Variants in TNIK observed in about 807,000 individuals in gnomAD.
TNIK encodes the protein TRAF2 and NCK-interacting protein kinase.
A neutral mutation model predicts 191.3 loss-of-function variants in TNIK; 49 were observed. That is an observed-to-expected ratio of 0.26 (90% CI 0.20 to 0.32). The LOEUF is 0.32. TNIK is among the 10% of genes least tolerant of loss of function. The pLI, the probability that TNIK is intolerant of heterozygous loss-of-function variation, is 1.00. For synonymous variants in TNIK, 594 were observed against 600.9 expected, an observed-to-expected ratio of 0.99 and a Z score of 0.17; for missense variants, 1,155 against 1,702.3, an observed-to-expected ratio of 0.68 and a Z score of 5.66.
chr3:171,318,389 A>C (rs1754856340), intron 2 of TNIK, among the ~76,000 whole-genome samples: 1 of 152,194 alleles, frequency 6.6e-6, no homozygotes, highest in Non-Finnish European at 1.5e-5. Flanking sequence ...TAAGGTTTTT[A>C]TTTACTAATG....
chr3:171,185,336 C>T (rs945766006), intron 7 of TNIK, among the ~76,000 whole-genome samples: 3 of 151,970 alleles, frequency 2.0e-5, no homozygotes, highest in Non-Finnish European at 4.4e-5. Context: ...CTATAAAATG[C>T]TTAGCAGATC....
chr3:171,107,303 G>T (rs1293715439), intron 20 of TNIK, 97 bp from the exon 21 acceptor site: 3 of 1,111,628 alleles, frequency 2.7e-6, no homozygotes, highest in Non-Finnish European at 3.9e-6. Context: ...TTGTTAGTAC[G>T]CAACTGATAA....
rs188879799 is a variant in TNIK at position 171,207,385 on chromosome 3, G to T, written c.306+3731C>A. On this transcript the variant is annotated intron_variant, in intron 4 of 32. Coordinates refer to ENST00000436636, the MANE Select transcript of TNIK (RefSeq NM_015028.4). ...TTTAAATTTTAATTTTTTTGGTAGA[G>T]ATGAGGCCTCACTATGTTACCCACG... 5.2e-3 allele frequency among the ~76,000 whole-genome samples: 791 copies of T among 151,496 alleles called. 6 individuals are homozygous for T. The highest frequency in any genetic ancestry group is 0.013 in the Admixed American group (191 of 15,214).
At chr3:171,457,460 C>T (rs1728912538) in intron 1 of TNIK, among the ~76,000 whole-genome samples, 1 of 152,182 alleles carries the variant, frequency 6.6e-6, no homozygotes, top group Non-Finnish European at 1.5e-5. Context: ...TCCCAGAAGC[C>T]ACTGACCTTG....
chr3:171,087,452 G>A lies in TNIK; in HGVS notation c.2776C>T (p.His926Tyr). 2 of 1,613,886 alleles carry A rather than the reference G, an allele frequency of 1.2e-6. No individual in the cohort carries two copies. The highest frequency in any genetic ancestry group is 1.7e-6 in the Non-Finnish European group (2 of 1,179,870). ...TGCACCAGGTCAGGGAGGTTGATGT[G>A]GCCAGCAAAGCCATTGCTGTCACTG... ...GHSDSNGFAGHINLPDLVQQS... is the reference protein window; with the variant it reads ...GHSDSNGFAGYINLPDLVQQS... The change falls in exon 24 of 33, where the codon CAC (histidine) becomes TAC (tyrosine). Residue 926 changes from histidine to tyrosine, a missense_variant. By Grantham distance (83) the His-to-Tyr change is moderately conservative (BLOSUM62 2). Around this residue, in one of 3 missense-constraint regions of TNIK, gnomAD observed 735 missense variants for 848.0 expected, o/e 0.87. Transcript: ENST00000436636.
intron 7 of TNIK, among the ~76,000 whole-genome samples, chr3:171,183,952 A>T (rs576604536): frequency 1.3e-5 from 2 of 150,948 alleles, no homozygotes; most frequent in African/African-American, 4.9e-5. Flanking sequence ...AAGGCCCCAA[A>T]TAGCAATACT....
intron 2 of TNIK, among the ~76,000 whole-genome samples, chr3:171,258,969 G>A (rs1747248507): frequency 6.6e-6 from 1 of 152,108 alleles, no homozygotes; most frequent in South Asian, 2.1e-4. Flanking sequence ...ACACGCCACT[G>A]AAATTTGACT....
chr3:171,264,062 A>ATGTGTGTGTG (rs1387174576), intron 2 of TNIK, among the ~76,000 whole-genome samples: 13 of 100,162 alleles, frequency 1.3e-4, no homozygotes, highest in African/African-American at 5.5e-4. Context: ...GTGTATATAT[A>ATGTGTGTGTG]TACATACACA....
At chr3:171,340,892 T>A (rs936821520) in intron 2 of TNIK, among the ~76,000 whole-genome samples, 1 of 151,820 alleles carries the variant, frequency 6.6e-6, no homozygotes, top group Non-Finnish European at 1.5e-5. Context: ...TGAGGACTCT[T>A]GGTATTTGGG....
intron 5 of TNIK, among the ~76,000 whole-genome samples, chr3:171,191,122 A>G (rs564806563): frequency 6.6e-6 from 1 of 151,830 alleles, no homozygotes; most frequent in Non-Finnish European, 1.5e-5. Context: ...TGAAAAGCGA[A>G]GTTTAAACAG....
intron 2 of TNIK, among the ~76,000 whole-genome samples, chr3:171,312,142 G>A (rs2131364): frequency 0.94 from 84,371 of 89,942 alleles, 39,508 homozygotes; most frequent in East Asian, 0.99. Context: ...AAAAAAAAAA[G>A]GGCTAGACTG....
chr3:171,460,096 C>T lies in TNIK; in HGVS notation c.-33G>A. ...TCTTCGCTGGAGAAATGGACCAAAA[C>T]CACCCCGAAGCTTTTCCCTTGGAAA... On this transcript the variant is annotated 5_prime_UTR_variant, in exon 1 of 33. Coordinates refer to ENST00000436636, the MANE Select transcript of TNIK (RefSeq NM_015028.4). This position sits in a 1 kb window ranked among gnomAD's most constrained non-coding sequence, Gnocchi z 6.8. The T allele has an allele frequency of 6.3e-7, 1 of 1,588,964 alleles. No individual in the cohort carries two copies. The highest frequency in any genetic ancestry group is 8.6e-7 in the Non-Finnish European group (1 of 1,167,246).
chr3:171,112,341 T>C (rs564244711), intron 18 of TNIK, among the ~76,000 whole-genome samples: 1 of 152,328 alleles, frequency 6.6e-6, no homozygotes, highest in South Asian at 2.1e-4. Context: ...AGTCATGCCT[T>C]CCTCTGTAGA....
At chr3:171,204,904 G>A (rs955742030) in intron 4 of TNIK, among the ~76,000 whole-genome samples, 5 of 152,124 alleles carry the variant, frequency 3.3e-5, no homozygotes, top group South Asian at 2.1e-4. Context: ...GCTTCATCAC[G>A]GACTTGCTAT....
intron 7 of TNIK, among the ~76,000 whole-genome samples, chr3:171,182,493 G>C (rs1736794977): frequency 6.6e-6 from 1 of 152,166 alleles, no homozygotes; most frequent in African/African-American, 2.4e-5. Flanking sequence ...GCCATGGTGT[G>C]ACTCATTTTG....
intron 32 of TNIK, among the ~76,000 whole-genome samples, chr3:171,064,671 G>C (rs900466179): frequency 1.6e-4 from 24 of 152,168 alleles, no homozygotes; most frequent in Non-Finnish European, 3.2e-4. Flanking sequence ...ACTGACAAAC[G>C]TGAGAAAAAT....
intron 1 of TNIK, among the ~76,000 whole-genome samples, chr3:171,435,008 C>T (rs1725862241): frequency 1.3e-5 from 2 of 152,100 alleles, no homozygotes; most frequent in Admixed American, 6.6e-5. Context: ...GGAGTCAGGC[C>T]AGTTCCAGGG....
intron 2 of TNIK, among the ~76,000 whole-genome samples, chr3:171,325,781 G>T (rs957063632): frequency 1.3e-5 from 2 of 152,210 alleles, no homozygotes; most frequent in Non-Finnish European, 2.9e-5. Flanking sequence ...GGGTTTATTT[G>T]GGGATTTGAT....
chr3:171,251,066 C>G lies in TNIK; in HGVS notation c.124-22845G>C, dbSNP rs141574222. Among the ~76,000 whole-genome samples, 1,284 of 152,182 alleles carry G rather than the reference C, an allele frequency of 8.4e-3. 25 individuals carry two copies. Among genetic ancestry groups the G allele is most frequent in the Non-Finnish European group, 7.3e-3 (498 of 68,018 alleles). On this transcript the variant is annotated intron_variant, in intron 2 of 32. Coordinates refer to ENST00000436636, the MANE Select transcript of TNIK (RefSeq NM_015028.4). ...ACAGCAGAAGGAAAACCAGAATAAC[C>G]CAACAAAAGGTATCATGTACACACA...
Sources: gnomAD v4.1 joint callset for allele counts (sites outside exome capture counted in the v4.1 genomes callset) on GRCh38, gnomAD v4.1.1 for gene constraint, gnomAD v4.1.1 regional missense constraint, Gnocchi (gnomAD v3.1) non-coding constraint, MANE v1.5 for transcripts, NCBI Gene and HGNC (gene_info 2026-07-23, HGNC 2026-07-21) for gene names.